The following KAZN variants were observed in gnomAD, a reference collection of about 807,000 sequenced individuals.
KAZN encodes the protein kazrin.
In KAZN, 40 loss-of-function variants were observed where a neutral mutation model predicts 87.4. The ratio of observed to expected loss-of-function variants is 0.46; its 90% CI spans 0.36 to 0.60. The LOEUF is 0.60. Among genes scored for constraint, KAZN ranks in the 20% least tolerant of loss-of-function variants. KAZN has a pLI of 0.00. For missense variants in KAZN, 898 were observed against 1,073.9 expected (o/e 0.84, Z 2.29); for synonymous variants, 466 against 458.3 (o/e 1.02, Z -0.22).
chr1:14,013,014 C>T (rs1012532314), intron 1 of KAZN, among the ~76,000 whole-genome samples: 1 of 152,160 alleles, frequency 6.6e-6, no homozygotes, highest in East Asian at 1.9e-4. Context: ...CACCTCTTAG[C>T]GGGTCCTAGA....
At chr1:14,909,832 C>CTCAGGAGT (rs1488141239) in intron 1 of KAZN, among the ~76,000 whole-genome samples, 2 of 152,128 alleles carry the variant, frequency 1.3e-5, no homozygotes, top group Admixed American at 6.6e-5. Flanking sequence ...ATCACCTGAG[C>CTCAGGAGT]TCAGGAGTTC....
chr1:14,795,272 T>C (rs1446160065), intron 1 of KAZN, among the ~76,000 whole-genome samples: 1 of 152,112 alleles, frequency 6.6e-6, no homozygotes, highest in African/African-American at 2.4e-5. Flanking sequence ...ATGGGTGAAA[T>C]GAGAAGCAGT....
intron 2 of KAZN, among the ~76,000 whole-genome samples, chr1:14,495,163 G>A (rs931916833): frequency 6.6e-6 from 1 of 152,194 alleles, no homozygotes; most frequent in African/African-American, 2.4e-5. Context: ...GGTTAACAAT[G>A]AGCTGCTAAA....
rs1052646577 is a variant in KAZN, at chr1:14,735,577, G to A, written c.226+136354G>A. Among the ~76,000 whole-genome samples, 2 of 152,036 alleles carry A rather than the reference G, an allele frequency of 1.3e-5. No individual in the cohort carries two copies. Among genetic ancestry groups the A allele is most frequent in the East Asian group, 1.9e-4 (1 of 5,178 alleles). ...GCTAAACCCCACACACCTAACGGCC[G>A]TTTTCACATGGCAGCCCCCCACGCT... On this transcript the variant is annotated intron_variant, in intron 1 of 14. Coordinates refer to ENST00000376030, the MANE Select transcript of KAZN (RefSeq NM_201628.3). This position sits in a 1 kb window ranked among gnomAD's most constrained non-coding sequence, Gnocchi z 4.3.
intron 2 of KAZN, among the ~76,000 whole-genome samples, chr1:14,415,624 T>C (rs1001061427): frequency 2.0e-5 from 3 of 152,146 alleles, no homozygotes; most frequent in Non-Finnish European, 1.5e-5. Flanking sequence ...AATGAGTATG[T>C]GAATACCCCA....
chr1:14,449,056 A>G (rs1283874398), intron 2 of KAZN, among the ~76,000 whole-genome samples: 3 of 152,228 alleles, frequency 2.0e-5, no homozygotes, highest in African/African-American at 7.2e-5. Context: ...ATGGTCCACG[A>G]CAATGTTGAT....
At chr1:13,927,714 G>T (rs1465929679) in intron 1 of KAZN, among the ~76,000 whole-genome samples, 1 of 152,046 alleles carries the variant, frequency 6.6e-6, no homozygotes, top group African/African-American at 2.4e-5. Context: ...TTGCATCTTA[G>T]TGGGAATCCA....
chr1:14,686,377 T>C (rs1640954336), intron 1 of KAZN, among the ~76,000 whole-genome samples: 1 of 152,254 alleles, frequency 6.6e-6, no homozygotes. Flanking sequence ...CTGCCACTCT[T>C]GAAGATCGTA....
chr1:14,675,423 A>G (rs1047668605), intron 1 of KAZN, among the ~76,000 whole-genome samples: 2 of 151,788 alleles, frequency 1.3e-5, no homozygotes, highest in African/African-American at 4.8e-5. Flanking sequence ...TTTCCCTCTT[A>G]TTTTCACTGC....
At chr1:14,615,361 T>G (rs1356505477) in intron 1 of KAZN, among the ~76,000 whole-genome samples, 1 of 152,074 alleles carries the variant, frequency 6.6e-6, no homozygotes, top group Non-Finnish European at 1.5e-5. Flanking sequence ...ATGGTGGCGC[T>G]CAACACCTGT....
chr1:14,348,664 C>G (rs1658295149), intron 2 of KAZN, among the ~76,000 whole-genome samples: 1 of 152,178 alleles, frequency 6.6e-6, no homozygotes, highest in Non-Finnish European at 1.5e-5. Flanking sequence ...CACATTTTTC[C>G]TTTTTCCAAA....
intron 1 of KAZN, among the ~76,000 whole-genome samples, chr1:13,933,753 G>A (rs909645786): frequency 2.6e-5 from 4 of 152,198 alleles, no homozygotes; most frequent in African/African-American, 7.2e-5. Context: ...TGGTCATGAA[G>A]GCATTGTGCT....
chr1:13,915,115 A>G (rs1639796577), intron 1 of KAZN, among the ~76,000 whole-genome samples: 1 of 152,222 alleles, frequency 6.6e-6, no homozygotes, highest in Non-Finnish European at 1.5e-5. Context: ...ATGCATGTGT[A>G]TACGTGCAGT....
chr1:14,599,999 C>G lies in KAZN; in HGVS notation c.226+776C>G, dbSNP rs1213357171. On this transcript the variant is annotated intron_variant, in intron 1 of 14. Transcript: ENST00000376030. The surrounding 1 kb of genome is among the most constrained non-coding windows in gnomAD (Gnocchi z 4.4). ...TGTTCACATTGACAGAGATTAAGCT[C>G]TGAAACCCCCTGCAAGACATAAAGG... is the stretch of plus-strand genomic sequence containing the variant. Among the ~76,000 whole-genome samples, 2 of 152,150 alleles carry G rather than the reference C, an allele frequency of 1.3e-5. No individual in the cohort carries two copies. The highest frequency in any genetic ancestry group is 2.4e-5 in the African/African-American group (1 of 41,426).
chr1:14,453,610 C>T (rs1233537374), intron 2 of KAZN, among the ~76,000 whole-genome samples: 4 of 152,026 alleles, frequency 2.6e-5, no homozygotes, highest in Non-Finnish European at 4.4e-5. Flanking sequence ...CCAAGGTGGG[C>T]GGATCACTTG....
intron 2 of KAZN, among the ~76,000 whole-genome samples, chr1:14,188,248 C>A (rs1646353317): frequency 1.5e-5 from 2 of 132,150 alleles, no homozygotes; most frequent in South Asian, 5.0e-4. Context: ...AAAGAGAAGC[C>A]TTGTCTCATG....
intron 1 of KAZN, among the ~76,000 whole-genome samples, chr1:14,649,719 G>A (rs1156617925): frequency 6.6e-6 from 1 of 152,096 alleles, no homozygotes; most frequent in Non-Finnish European, 1.5e-5. Flanking sequence ...AGAGTTAGGG[G>A]AAAAAATGCA....
rs112402649 is a variant in KAZN at position 14,037,543 on chromosome 1, A to G, written c.92-142892A>G. Among the ~76,000 whole-genome samples, 1,125 of 152,308 alleles carry G rather than the reference A, an allele frequency of 7.4e-3. 19 individuals carry two copies. Among genetic ancestry groups the G allele is most frequent in the African/African-American group, 0.026 (1,083 of 41,568 alleles). On this transcript the variant is annotated intron_variant, in intron 1 of 16. Coordinates refer to the KAZN transcript ENST00000636203. ...TAGAACCCTGAGTCCTGATGTGCAC[A>G]GCCCAGCTCCTCAGGCAGCAGCTAT...
chr1:14,671,782 T>C (rs1015531852), intron 1 of KAZN, among the ~76,000 whole-genome samples: 1 of 152,232 alleles, frequency 6.6e-6, no homozygotes, highest in African/African-American at 2.4e-5. Flanking sequence ...TTAACCTCAT[T>C]TCCATCCAGA....
Sources: allele counts gnomAD v4.1 joint callset (sites outside exome capture counted in the v4.1 genomes callset), GRCh38; gene constraint gnomAD v4.1.1; non-coding constraint Gnocchi (gnomAD v3.1); transcripts MANE v1.5; gene names NCBI Gene and HGNC (gene_info 2026-07-23, HGNC 2026-07-21).